The following BRINP3 variants were observed in gnomAD, a reference collection of about 807,000 sequenced individuals.
BRINP3 encodes BMP/retinoic acid-inducible neural-specific protein 3.
In BRINP3, 19 loss-of-function variants were observed where a neutral mutation model predicts 71.0. The ratio of observed to expected loss-of-function variants is 0.27; its 90% CI spans 0.19 to 0.39. The LOEUF is 0.39. Ranked by LOEUF, BRINP3 falls within the 10% of genes least tolerant of loss-of-function variation. The pLI is 1.00. For synonymous variants in BRINP3, 380 were observed against 337.7 expected, an observed-to-expected ratio of 1.13 and a Z score of -1.37; for missense variants, 959 against 940.8, an observed-to-expected ratio of 1.02 and a Z score of -0.25.
At chr1:190,111,041 G>T (rs1652625855) in intron 7 of BRINP3, among the ~76,000 whole-genome samples, 1 of 151,732 alleles carries the variant, frequency 6.6e-6, no homozygotes, top group Non-Finnish European at 1.5e-5. Context: ...AGCCGGGCGT[G>T]GTGTTGGGCG....
At chr1:190,265,532 T>C (rs1032182355) in intron 3 of BRINP3, among the ~76,000 whole-genome samples, 7 of 99,568 alleles carry the variant, frequency 7.0e-5, no homozygotes, top group Non-Finnish European at 1.4e-4. Flanking sequence ...AAACCCCGTC[T>C]CTACTAAATA....
intron 6 of BRINP3, among the ~76,000 whole-genome samples, chr1:190,185,410 A>T (rs1653425567): frequency 6.6e-6 from 1 of 152,106 alleles, no homozygotes; most frequent in Non-Finnish European, 1.5e-5. Flanking sequence ...AACATTTCAC[A>T]TCTCTCAGGA....
intron 2 of BRINP3, among the ~76,000 whole-genome samples, chr1:190,365,816 A>G (rs1250645473): frequency 1.4e-5 from 2 of 145,470 alleles, no homozygotes; most frequent in Non-Finnish European, 3.0e-5. Context: ...GTATATATAT[A>G]TATATATATA....
chr1:190,269,350 G>A (rs923515718), intron 3 of BRINP3, among the ~76,000 whole-genome samples: 17 of 152,006 alleles, frequency 1.1e-4, no homozygotes, highest in African/African-American at 4.1e-4. Flanking sequence ...GAAAGTTCAT[G>A]AAAATACAAA....
chr1:190,413,627 T>C (rs1465230190), intron 2 of BRINP3, among the ~76,000 whole-genome samples: 1 of 152,162 alleles, frequency 6.6e-6, no homozygotes, highest in Non-Finnish European at 1.5e-5. Flanking sequence ...AAGGAATGGA[T>C]TGTCTCCTAG....
At chr1:190,476,934 C>A (rs80129547) in intron 1 of BRINP3, among the ~76,000 whole-genome samples, 2 of 152,198 alleles carry the variant, frequency 1.3e-5, no homozygotes, top group Admixed American at 6.5e-5. Flanking sequence ...TAAGGTCTTG[C>A]TAAATTCATA....
intron 2 of BRINP3, among the ~76,000 whole-genome samples, chr1:190,375,271 G>C (rs1670110988): frequency 6.6e-6 from 1 of 151,742 alleles, no homozygotes; most frequent in Admixed American, 6.6e-5. Flanking sequence ...ATTTGTATAT[G>C]TAAATGTGTA....
At chr1:190,344,338 A>G (rs779834629) in intron 2 of BRINP3, among the ~76,000 whole-genome samples, 6 of 151,824 alleles carry the variant, frequency 4.0e-5, no homozygotes. Flanking sequence ...TAAATTCTCT[A>G]AGGTCAAATA....
intron 7 of BRINP3, among the ~76,000 whole-genome samples, chr1:190,104,924 A>G (rs12082082): frequency 0.051 from 7,790 of 152,152 alleles, 667 homozygotes; most frequent in African/African-American, 0.18. Flanking sequence ...ATATAATTTC[A>G]GAATCTTTTT....
intron 2 of BRINP3, among the ~76,000 whole-genome samples, chr1:190,359,840 T>C (rs1482338380): frequency 1.3e-5 from 2 of 152,126 alleles, no homozygotes; most frequent in African/African-American, 2.4e-5. Flanking sequence ...TTTTGTCTAA[T>C]TATCAAACTG....
At chr1:190,360,372 A>T (rs541892466) in intron 2 of BRINP3, among the ~76,000 whole-genome samples, 1 of 152,284 alleles carries the variant, frequency 6.6e-6, no homozygotes, top group East Asian at 1.9e-4. Context: ...ATCTCAACAA[A>T]TTGTGATATA....
At chr1:190,406,163 CA>C (rs1433525008) in intron 2 of BRINP3, among the ~76,000 whole-genome samples, 1 of 152,188 alleles carries the variant, frequency 6.6e-6, no homozygotes, top group East Asian at 1.9e-4. Flanking sequence ...ACAGTTACAG[CA>C]GTGTAAATGT....
intron 6 of BRINP3, among the ~76,000 whole-genome samples, chr1:190,192,011 T>G (rs1654078152): frequency 6.6e-6 from 1 of 152,094 alleles, no homozygotes; most frequent in Admixed American, 6.6e-5. Flanking sequence ...TAAAAAAAAA[T>G]CTGTCCTTGC....
chr1:190,426,110 A>G (rs1009602419), intron 2 of BRINP3, among the ~76,000 whole-genome samples: 19 of 151,870 alleles, frequency 1.3e-4, no homozygotes, highest in African/African-American at 4.6e-4. Flanking sequence ...GTAAAAGTTC[A>G]TATATATCCT....
chr1:190,201,000 G>C lies in BRINP3; in HGVS notation c.961+25082C>G, dbSNP rs988116689. ...GGTACCAGTAGAGTGGGGTGTTGCT[G>C]AAAAGATACCCAAAAATGGGGAAGC... On this transcript the variant is annotated intron_variant, in intron 6 of 7. Transcript: ENST00000367462. 4.0e-4 allele frequency among the ~76,000 whole-genome samples: 61 copies of C among 152,072 alleles called. 2 individuals are homozygous for C. Among genetic ancestry groups the C allele is most frequent in the Admixed American group, 2.0e-4 (3 of 15,254 alleles).
rs76814819 is a variant in BRINP3 at position 190,289,667 on chromosome 1, T to C, written c.237-7917A>G. ...CTTGTATGGATTACAAATTGAAACT[T>C]GTTATCTAGCAAGCACTTGGTCTTA... On this transcript the variant is annotated intron_variant, in intron 2 of 7. Coordinates refer to ENST00000367462, the MANE Select transcript of BRINP3 (RefSeq NM_199051.3). Among the ~76,000 whole-genome samples, 539 of 152,130 alleles carry C rather than the reference T, an allele frequency of 3.5e-3. 5 individuals are homozygous for C. The highest frequency in any genetic ancestry group is 0.012 in the African/African-American group (502 of 41,552).
chr1:190,203,383 C>A, intron 6 of BRINP3, among the ~76,000 whole-genome samples: 1 of 148,036 alleles, frequency 6.8e-6, no homozygotes, highest in African/African-American at 2.5e-5. Context: ...AGGCACATTG[C>A]AAAAGTACTT....
At chr1:190,277,716 T>G (rs115009303) in intron 3 of BRINP3, among the ~76,000 whole-genome samples, 2,338 of 151,874 alleles carry the variant, frequency 0.015, 76 homozygotes, top group African/African-American at 0.053. Flanking sequence ...ATATATTGAA[T>G]TATAATAAAG....
intron 6 of BRINP3, among the ~76,000 whole-genome samples, chr1:190,162,314 G>T (rs551925107): frequency 1.3e-5 from 2 of 151,752 alleles, no homozygotes; most frequent in East Asian, 3.9e-4. Context: ...CTCCCGAGTA[G>T]CTGTGATTAC....
Sources: allele counts gnomAD v4.1 joint callset (sites outside exome capture counted in the v4.1 genomes callset), GRCh38; gene constraint gnomAD v4.1.1; transcripts MANE v1.5; gene names NCBI Gene and HGNC (gene_info 2026-07-23, HGNC 2026-07-21).